The following NEK10 variants were observed in gnomAD, a reference collection of about 807,000 sequenced individuals.
NEK10 encodes serine/threonine-protein kinase Nek10.
NEK10 carries 122 observed loss-of-function variants against 159.8 expected under a neutral mutation model. The observed-to-expected ratio is 0.76, with a 90% CI of 0.66 to 0.89. The LOEUF (loss-of-function observed/expected upper bound fraction) is 0.89, where lower values mean the gene tolerates loss of function less well. Among genes scored for constraint, NEK10 ranks in the 40% least tolerant of loss-of-function variants. The probability of loss-of-function intolerance (pLI) is 0.00; values close to 1 mark genes in which losing one functional copy is unlikely to be tolerated. For missense variants in NEK10, 1,342 were observed against 1,323.1 expected (o/e 1.01, Z -0.22); for synonymous variants, 466 against 457.1 (o/e 1.02, Z -0.25).
chr3:27,245,029 G>A (rs1954921100), intron 23 of NEK10, among the ~76,000 whole-genome samples: 1 of 152,120 alleles, frequency 6.6e-6, no homozygotes, highest in Non-Finnish European at 1.5e-5. Context: ...AAAGTACCAT[G>A]TAGTTTTCTT....
intron 23 of NEK10, among the ~76,000 whole-genome samples, chr3:27,230,504 T>C (rs938203488): frequency 7.9e-5 from 12 of 151,932 alleles, no homozygotes; most frequent in African/African-American, 2.4e-4. Flanking sequence ...ATGAATAGAA[T>C]AGTACCTCAC....
chr3:27,155,508 T>TAAAAA (rs563115631), intron 30 of NEK10, among the ~76,000 whole-genome samples: 1 of 134,302 alleles, frequency 7.4e-6, no homozygotes, highest in Non-Finnish European at 1.6e-5. Flanking sequence ...CTCAAAAAAA[T>TAAAAA]AAATAAAATA....
intron 1 of NEK10, among the ~76,000 whole-genome samples, chr3:27,366,904 C>T (rs57689511): frequency 0.13 from 19,565 of 150,832 alleles, 4,291 homozygotes; most frequent in African/African-American, 0.45. Context: ...CTCCGCCTCC[C>T]GGTTCAAGGG....
intron 26 of NEK10, among the ~76,000 whole-genome samples, chr3:27,180,306 A>G (rs140871966): frequency 0.012 from 1,754 of 151,892 alleles, 11 homozygotes; most frequent in South Asian, 0.021. Flanking sequence ...AAGGCAGGAG[A>G]ATCACTTGAA....
intron 6 of NEK10, among the ~76,000 whole-genome samples, chr3:27,321,955 C>A (rs1006559563): frequency 6.6e-6 from 1 of 152,094 alleles, no homozygotes; most frequent in Non-Finnish European, 1.5e-5. Context: ...CCACTTAATC[C>A]CATAAGTAAT....
At chr3:27,299,737 C>G (rs2043652662) in intron 13 of NEK10, among the ~76,000 whole-genome samples, 2 of 152,228 alleles carry the variant, frequency 1.3e-5, no homozygotes, top group African/African-American at 4.8e-5. Flanking sequence ...CAGCGTGACC[C>G]AGATGCAAGA....
chr3:27,362,387 T>G (rs2048753413), intron 1 of NEK10, among the ~76,000 whole-genome samples: 1 of 152,122 alleles, frequency 6.6e-6, no homozygotes, highest in South Asian at 2.1e-4. Context: ...CTTGGAAATG[T>G]AAAACATCTA....
chr3:27,167,480 G>C (rs929882521), intron 29 of NEK10, among the ~76,000 whole-genome samples: 2 of 152,192 alleles, frequency 1.3e-5, no homozygotes. Context: ...CTGAGAATAT[G>C]TGACAAAGAG....
At position 27,202,515 on chromosome 3, in the gene NEK10, A is replaced by G; in HGVS notation, c.2133T>C (p.Asp711=). 1 of 1,612,968 alleles carries G rather than the reference A, an allele frequency of 6.2e-7. No individual in the cohort carries two copies. ...AAAGGATGCAGCCTACTGCCCAGAC[A>G]TCAGCCTTCTCCCCATACGGCTCAC... is the stretch of plus-strand genomic sequence containing the variant. ...LKSEPYGEKA[D]VWAVGCILYQ... The change falls in exon 24 of 36, where the codon GAT becomes GAC. Residue 711 remains aspartate, a synonymous_variant. Transcript: ENST00000691995.
intron 5 of NEK10, among the ~76,000 whole-genome samples, chr3:27,334,935 TC>T (rs1164827271): frequency 1.3e-5 from 2 of 152,080 alleles, no homozygotes; most frequent in Non-Finnish European, 2.9e-5. Flanking sequence ...TCAAATTGTT[TC>T]AAAAGAAGTT....
chr3:27,354,581 A>G (rs930143497), intron 1 of NEK10, among the ~76,000 whole-genome samples: 5 of 152,232 alleles, frequency 3.3e-5, no homozygotes, highest in African/African-American at 1.2e-4. Context: ...GCTTTAAAAT[A>G]GTTAACCTAA....
At chr3:27,212,166 A>G (rs1334367312) in intron 23 of NEK10, among the ~76,000 whole-genome samples, 1 of 152,260 alleles carries the variant, frequency 6.6e-6, no homozygotes, top group Admixed American at 6.5e-5. Context: ...TGTTCTATCA[A>G]AACAAATTCA....
At chr3:27,251,855 G>A (rs1014118704) in intron 23 of NEK10, among the ~76,000 whole-genome samples, 8 of 151,752 alleles carry the variant, frequency 5.3e-5, no homozygotes, top group African/African-American at 1.9e-4. Flanking sequence ...TAGTAACTAT[G>A]TAATATATAA....
At chr3:27,226,093 A>G (rs991691746) in intron 23 of NEK10, among the ~76,000 whole-genome samples, 2 of 152,012 alleles carry the variant, frequency 1.3e-5, no homozygotes, top group Non-Finnish European at 2.9e-5. Context: ...GTGCAGTGGC[A>G]TGATCTTGGC....
intron 22 of NEK10, among the ~76,000 whole-genome samples, chr3:27,256,802 A>G (rs1956230200): frequency 6.6e-6 from 1 of 152,154 alleles, no homozygotes; most frequent in African/African-American, 2.4e-5. Flanking sequence ...AAATATTTAT[A>G]TATCAACAAC....
chr3:27,297,580 A>G (rs2043448946), intron 13 of NEK10, among the ~76,000 whole-genome samples: 3 of 152,260 alleles, frequency 2.0e-5, no homozygotes, highest in Admixed American at 6.5e-5. Context: ...CAGGTGCTCA[A>G]CAAATATATC....
intron 23 of NEK10, among the ~76,000 whole-genome samples, chr3:27,220,370 A>G (rs1379475081): frequency 2.0e-5 from 3 of 152,152 alleles, no homozygotes; most frequent in Non-Finnish European, 2.9e-5. Flanking sequence ...TTCATCTTCA[A>G]AGTCAGCAAT....
At chr3:27,356,472 T>G (rs1245374791) in intron 1 of NEK10, among the ~76,000 whole-genome samples, 2 of 152,174 alleles carry the variant, frequency 1.3e-5, no homozygotes, top group Admixed American at 6.5e-5. Flanking sequence ...ATGGTGTTAC[T>G]GCGTTCCAGC....
chr3:27,293,469 A>T (rs757864426), intron 16 of NEK10, 119 bp downstream of exon 16: 2 of 520,402 alleles, frequency 3.8e-6, no homozygotes, highest in African/African-American at 3.8e-5. Context: ...CTGAAGACAC[A>T]TGGTTTGCAT....
Sources: allele counts gnomAD v4.1 joint callset (sites outside exome capture counted in the v4.1 genomes callset), GRCh38; gene constraint gnomAD v4.1.1; transcripts MANE v1.5; gene names NCBI Gene and HGNC (gene_info 2026-07-23, HGNC 2026-07-21).